MAPK10: variants seen among roughly 807,000 people sequenced by gnomAD.
MAPK10 encodes the protein mitogen-activated protein kinase 10.
A neutral mutation model predicts 59.3 loss-of-function variants in MAPK10; 25 were observed. That is an observed-to-expected ratio of 0.42 (90% confidence interval 0.31 to 0.59). The LOEUF is 0.59. Among genes scored for constraint, MAPK10 ranks in the 20% least tolerant of loss-of-function variants. MAPK10 has a pLI of 0.15. For synonymous variants in MAPK10, 190 were observed against 200.5 expected, an observed-to-expected ratio of 0.95 and a Z score of 0.44; for missense variants, 351 against 568.9, an observed-to-expected ratio of 0.62 and a Z score of 3.90.
intron 9 of MAPK10, chr4:86,081,513 C>T (rs527509420): frequency 2.6e-5 from 4 of 151,196 alleles, no homozygotes; most frequent in Non-Finnish European, 4.4e-5. Flanking sequence ...AAAAAAAGCA[C>T]AATAGAAAAA....
intron 2 of MAPK10, among the ~76,000 whole-genome samples, chr4:86,295,067 A>C (rs1327875909): frequency 1.3e-5 from 2 of 152,212 alleles, no homozygotes; most frequent in African/African-American, 4.8e-5. Context: ...CCTGCTCTGC[A>C]CCTGCCAAAA....
chr4:86,529,632 T>TAG (rs146590839), intron 1 of MAPK10, among the ~76,000 whole-genome samples: 7,131 of 152,246 alleles, frequency 0.047, 220 homozygotes, highest in African/African-American at 0.059. Context: ...AGAGAATGAA[T>TAG]AGTCTGTACA....
At chr4:86,587,579 T>C (rs1170518226) in intron 1 of MAPK10, among the ~76,000 whole-genome samples, 1 of 152,200 alleles carries the variant, frequency 6.6e-6, no homozygotes, top group African/African-American at 2.4e-5. Flanking sequence ...AACGTTCCCA[T>C]CACAGCTCTT....
chr4:86,370,418 T>C (rs888459504), intron 1 of MAPK10, among the ~76,000 whole-genome samples: 6 of 152,134 alleles, frequency 3.9e-5, no homozygotes, highest in African/African-American at 1.4e-4. Context: ...GTGTCACTGT[T>C]AGAGCTGTGT....
intron 2 of MAPK10, among the ~76,000 whole-genome samples, chr4:86,212,973 T>C (rs2086279475): frequency 6.6e-6 from 1 of 152,188 alleles, no homozygotes; most frequent in Admixed American, 6.5e-5. Flanking sequence ...ATAGGCCATA[T>C]GTTAGTCCAA....
intron 4 of MAPK10, chr4:86,125,764 A>C (rs1446543374): frequency 6.6e-6 from 1 of 152,144 alleles, no homozygotes; most frequent in East Asian, 1.9e-4. Context: ...TGTTGGAGTT[A>C]GCTAAGGAGT....
chr4:86,274,945 A>G (rs1190941060), intron 2 of MAPK10, among the ~76,000 whole-genome samples: 1 of 152,028 alleles, frequency 6.6e-6, no homozygotes, highest in Admixed American at 6.6e-5. Flanking sequence ...CCAAATTAAA[A>G]TATTTTCCCA....
intron 1 of MAPK10, among the ~76,000 whole-genome samples, chr4:86,557,186 GT>G (rs764296095): frequency 2.2e-4 from 34 of 151,946 alleles, no homozygotes; most frequent in Admixed American, 8.5e-4. Flanking sequence ...TCTAACTGAA[GT>G]GAAACTAAAT....
intron 9 of MAPK10, among the ~76,000 whole-genome samples, chr4:86,088,141 CT>C (rs1561529962): frequency 6.6e-6 from 1 of 152,074 alleles, no homozygotes; most frequent in Non-Finnish European, 1.5e-5. Flanking sequence ...CTATTCATAT[CT>C]ATTTAATACT....
chr4:86,372,578 G>A (rs1350706649), intron 1 of MAPK10, among the ~76,000 whole-genome samples: 1 of 137,124 alleles, frequency 7.3e-6, no homozygotes, highest in Non-Finnish European at 1.6e-5. Flanking sequence ...GAAAAGAAAA[G>A]AAAAGAAAAG....
At chr4:86,377,582 G>T (rs184818683) in intron 1 of MAPK10, among the ~76,000 whole-genome samples, 1 of 152,288 alleles carries the variant, frequency 6.6e-6, no homozygotes, top group East Asian at 1.9e-4. Flanking sequence ...ACCATACCCA[G>T]AAGAGTTCAT....
intron 1 of MAPK10, among the ~76,000 whole-genome samples, chr4:86,507,884 T>G (rs887541046): frequency 2.7e-5 from 4 of 149,428 alleles, no homozygotes; most frequent in African/African-American, 9.9e-5. Context: ...CTGAAAAAAC[T>G]ACAAACTTGC....
intron 4 of MAPK10, among the ~76,000 whole-genome samples, chr4:86,134,502 C>T (rs190269681): frequency 1.3e-5 from 2 of 152,212 alleles, no homozygotes; most frequent in African/African-American, 4.8e-5. Flanking sequence ...TATTGCCACA[C>T]ACCACACATA....
chr4:86,238,082 C>A (rs989336658), intron 2 of MAPK10, among the ~76,000 whole-genome samples: 2 of 152,124 alleles, frequency 1.3e-5, no homozygotes, highest in Non-Finnish European at 2.9e-5. Flanking sequence ...GTTTTCCCAG[C>A]ACCATTTACT....
intron 1 of MAPK10, among the ~76,000 whole-genome samples, chr4:86,414,081 TC>T (rs138187237): frequency 0.26 from 38,814 of 152,012 alleles, 5,585 homozygotes; most frequent in Non-Finnish European, 0.32. Context: ...TTTCAAATAA[TC>T]CCTTTTGCTT....
chr4:86,340,515 A>G (rs907339440), intron 2 of MAPK10: 2 of 152,158 alleles, frequency 1.3e-5, no homozygotes, highest in Non-Finnish European at 2.9e-5. Flanking sequence ...CATTATCATA[A>G]GAACAGGATG....
intron 9 of MAPK10, chr4:86,082,230 A>C (rs911655658): frequency 1.2e-4 from 19 of 152,324 alleles, no homozygotes; most frequent in African/African-American, 4.6e-4. Context: ...TAGGTGGAGC[A>C]CATAAAAATA....
chr4:86,481,610 C>T (rs1753621679), intron 1 of MAPK10, among the ~76,000 whole-genome samples: 1 of 152,016 alleles, frequency 6.6e-6, no homozygotes, highest in Non-Finnish European at 1.5e-5. Context: ...TGAACTGTTC[C>T]AGAAATGTTT....
At chr4:86,502,282 T>C (rs191837086) in intron 1 of MAPK10, among the ~76,000 whole-genome samples, 3 of 152,122 alleles carry the variant, frequency 2.0e-5, no homozygotes, top group East Asian at 3.9e-4. Context: ...ATGGGAAGAA[T>C]ACCCATTCAG....
Sources: allele counts gnomAD v4.1 joint callset (sites outside exome capture counted in the v4.1 genomes callset), GRCh38; gene constraint gnomAD v4.1.1; transcripts MANE v1.5; gene names NCBI Gene and HGNC (gene_info 2026-07-23, HGNC 2026-07-21).